DICER1: variants seen among roughly 807,000 people sequenced by gnomAD.
DICER1 encodes endoribonuclease Dicer.
In DICER1, 43 loss-of-function variants were observed where a neutral mutation model predicts 194.1. That is an observed-to-expected ratio of 0.22 (90% CI 0.17 to 0.29). The LOEUF (loss-of-function observed/expected upper bound fraction) is 0.29, where lower values mean the gene tolerates loss of function less well. Among genes scored for constraint, DICER1 ranks in the 10% least tolerant of loss-of-function variants. The pLI is 1.00. For synonymous variants in DICER1, 832 were observed against 820.5 expected (o/e 1.01, Z -0.24); for missense variants, 1,608 against 2,317.0 (o/e 0.69, Z 6.28).
chr14:95,112,711 GA>G (rs1892082528), intron 12 of DICER1, among the ~76,000 whole-genome samples: 1 of 152,142 alleles, frequency 6.6e-6, no homozygotes, highest in African/African-American at 2.4e-5. Context: ...AAATAACTAG[GA>G]CAACGCAACG....
intron 1 of DICER1, among the ~76,000 whole-genome samples, chr14:95,146,191 A>G (rs1306405699): frequency 2.0e-5 from 3 of 152,226 alleles, no homozygotes; most frequent in African/African-American, 7.2e-5. Flanking sequence ...GTCGAGATAC[A>G]CAGTATTTTT....
At position 95,090,589 on chromosome 14, in the gene DICER1, A is replaced by C; in HGVS notation, c.5678T>G (p.Val1893Gly). The C allele has an allele frequency of 6.2e-7, 1 of 1,614,176 alleles. No homozygotes were observed. Among genetic ancestry groups the C allele is most frequent in the Non-Finnish European group, 8.5e-7 (1 of 1,180,024 alleles). Residue 1893 changes from valine (V) to glycine (G), a missense_variant, in exon 27 of 27, where the codon GTT becomes GGT. By Grantham distance (109) the Val-to-Gly change is moderately radical. Transcript: ENST00000343455. ...EVVGKGKFKG[V>G]GRSYRIAKSA... is the part of the protein sequence containing the mutation. ...TTTGGCAATCCTGTAACTTCGACCAACACCTTTAAATTTCCCCTTTCCTAC... is the reference window on the plus strand; with the variant it reads ...TTTGGCAATCCTGTAACTTCGACCACCACCTTTAAATTTCCCCTTTCCTAC...
chr14:95,153,302 T>C (rs1352823373), intron 1 of DICER1, among the ~76,000 whole-genome samples: 1 of 151,884 alleles, frequency 6.6e-6, no homozygotes, highest in African/African-American at 2.4e-5. Flanking sequence ...CCTGAATGGA[T>C]TGTTATTTAG....
At chr14:95,156,857 T>C (rs969064069) in intron 1 of DICER1, among the ~76,000 whole-genome samples, 29 of 151,832 alleles carry the variant, frequency 1.9e-4, no homozygotes, top group African/African-American at 7.0e-4. Flanking sequence ...CCTCCGCTGC[T>C]CCCGCGCCAC....
At chr14:95,129,414 A>C in intron 6 of DICER1, 58 bp downstream of exon 6, 1 of 1,545,962 alleles carries the variant, frequency 6.5e-7, no homozygotes, top group Non-Finnish European at 8.9e-7. Flanking sequence ...AAAACACCAA[A>C]GACTTAATAT....
Position 95,090,328 on chromosome 14 carries a change from C to A in DICER1, c.*170G>T, listed in dbSNP as rs1486268334. On this transcript the variant is annotated 3_prime_UTR_variant, in exon 27 of 27. Transcript: ENST00000343455. Reference sequence around the variant, plus strand: ...CTACAATTAGTTCCAAAATTTTATACATATGTTAAATGTTTTATTCTGTTA... The same window carrying A: ...CTACAATTAGTTCCAAAATTTTATAAATATGTTAAATGTTTTATTCTGTTA... 2.8e-6 allele frequency: 2 copies of A among 719,668 alleles called. No homozygotes were observed. The highest frequency in any genetic ancestry group is 4.6e-6 in the Non-Finnish European group (2 of 438,076). The allele number at this position is 719,668 out of a possible 1,614,324, so 44.6% of individuals were successfully genotyped here.
chr14:95,092,892 C>T (rs765346885), intron 24 of DICER1, among the ~76,000 whole-genome samples: 6 of 152,342 alleles, frequency 3.9e-5, no homozygotes, highest in South Asian at 4.1e-4. Context: ...TCTCGCCTCA[C>T]AGCCTGCCAC....
chr14:95,091,473 A>AG, intron 24 of DICER1, 108 bp from the exon 25 acceptor site: 1 of 998,022 alleles, frequency 1.0e-6, no homozygotes, highest in Non-Finnish European at 1.6e-6. Flanking sequence ...TTCTTTAGTA[A>AG]GGGGGGAAAT....
At chr14:95,156,736 G>A (rs1167524207) in intron 1 of DICER1, among the ~76,000 whole-genome samples, 2 of 152,146 alleles carry the variant, frequency 1.3e-5, no homozygotes, top group Admixed American at 1.3e-4. Context: ...AATCACACAG[G>A]ACCCTCCCGG....
intron 1 of DICER1, among the ~76,000 whole-genome samples, chr14:95,150,259 G>A (rs1035848528): frequency 1.3e-5 from 2 of 152,170 alleles, no homozygotes; most frequent in Admixed American, 1.3e-4. Flanking sequence ...AGAGACAGGT[G>A]AATCACTTGA....
intron 1 of DICER1, among the ~76,000 whole-genome samples, chr14:95,133,940 T>A (rs1894168187): frequency 6.6e-6 from 1 of 152,214 alleles, no homozygotes; most frequent in Non-Finnish European, 1.5e-5. Flanking sequence ...AGAAAATATG[T>A]ACAGCATGAT....
intron 4 of DICER1, 50 bp downstream of exon 4, chr14:95,131,459 G>C (rs755418941): frequency 1.3e-6 from 2 of 1,575,258 alleles, no homozygotes; most frequent in Non-Finnish European, 1.7e-6. Flanking sequence ...TACAAACCAA[G>C]TCAAGAACTT....
At chr14:95,130,272 A>C in intron 4 of DICER1, 80 bp from the exon 5 acceptor site, 1 of 1,377,170 alleles carries the variant, frequency 7.3e-7, no homozygotes, top group Non-Finnish European at 1.0e-6. Context: ...TCATAGAGCC[A>C]TTGTATCATA....
chr14:95,104,777 G>A (rs536340195), intron 20 of DICER1, among the ~76,000 whole-genome samples: 22 of 152,112 alleles, frequency 1.4e-4, no homozygotes, highest in South Asian at 4.1e-4. Flanking sequence ...ACATGCTAAG[G>A]CTATTGCTTT....
At chr14:95,114,375 AAT>A (rs1892249157) in intron 11 of DICER1, among the ~76,000 whole-genome samples, 2 of 152,242 alleles carry the variant, frequency 1.3e-5, no homozygotes, top group Non-Finnish European at 2.9e-5. Context: ...AGTAAATGAT[AAT>A]GATAGATTAT....
chr14:95,136,249 T>G (rs537628111), intron 1 of DICER1, among the ~76,000 whole-genome samples: 1 of 152,324 alleles, frequency 6.6e-6, no homozygotes, highest in African/African-American at 2.4e-5. Flanking sequence ...CTTTATGTAT[T>G]CAAAAGCACA....
In DICER1 at chr14:95,089,594, G is replaced by A. The variant is rs767597538; in HGVS notation, c.*904C>T. 3.0e-5 allele frequency: 7 copies of A among 231,630 alleles called. No homozygotes were observed. The highest frequency in any genetic ancestry group is 5.1e-5 in the Non-Finnish European group (6 of 117,246). The allele number at this position is 231,630 out of a possible 1,614,324, so 14.3% of individuals were successfully genotyped here. On this transcript the variant is annotated 3_prime_UTR_variant, in exon 27 of 27. Transcript: ENST00000343455. ...GGACTTTAGTAAAATGGGGTGTTTA[G>A]CCAAAGATCATTTTTATGATAAAAA...
chr14:95,097,729 A>T (rs1184389869), intron 22 of DICER1, among the ~76,000 whole-genome samples: 1 of 152,226 alleles, frequency 6.6e-6, no homozygotes, highest in Non-Finnish European at 1.5e-5. Flanking sequence ...ACCTTCAAGC[A>T]TTTTTTAAAT....
chr14:95,105,827 GTACATA>G lies in DICER1; in HGVS notation c.2988-50_2988-45del, dbSNP rs763608442. The G allele has an allele frequency of 3.2e-6, 5 of 1,544,650 alleles. No homozygotes were observed. In the African/African-American group the frequency reaches 6.8e-5, roughly 21 times the overall value. ...AATTTTATCAAACACACAAAAATGA[GTACATA>G]TTCACAGTGGTTCTCCAAAAACCAC... On this transcript the variant is annotated intron_variant, in intron 18 of 26. Coordinates refer to ENST00000343455, the MANE Select transcript of DICER1 (RefSeq NM_177438.3). The surrounding 1 kb of genome is among the most constrained non-coding windows in gnomAD (Gnocchi z 4.9).
Sources: allele counts gnomAD v4.1 joint callset (sites outside exome capture counted in the v4.1 genomes callset), GRCh38; gene constraint gnomAD v4.1.1; non-coding constraint Gnocchi (gnomAD v3.1); transcripts MANE v1.5; gene names NCBI Gene and HGNC (gene_info 2026-07-23, HGNC 2026-07-21).